DNAH8: variants seen among roughly 807,000 people sequenced by gnomAD.
DNAH8 encodes the protein dynein axonemal heavy chain 8.
Under a neutral mutation model 562.1 loss-of-function variants are expected in DNAH8, and 382 were observed. The observed-to-expected ratio is 0.68, with a 90% CI of 0.63 to 0.74. DNAH8 has a LOEUF of 0.74. Among genes scored for constraint, DNAH8 ranks in the 30% least tolerant of loss-of-function variants. DNAH8 has a pLI of 0.00. For synonymous variants in DNAH8, 1,881 were observed against 1,919.4 expected (o/e 0.98, Z 0.52); for missense variants, 5,203 against 5,620.4 (o/e 0.93, Z 2.37).
intron 8 of DNAH8, among the ~76,000 whole-genome samples, chr6:38,744,556 A>C (rs1324817834): frequency 2.0e-5 from 3 of 152,078 alleles, no homozygotes; most frequent in African/African-American, 7.2e-5. Flanking sequence ...TATTTAGAAA[A>C]ATTCAGACAT....
At chr6:38,976,918 GT>G (rs1763714741) in intron 85 of DNAH8, among the ~76,000 whole-genome samples, 1 of 152,202 alleles carries the variant, frequency 6.6e-6, no homozygotes, top group South Asian at 2.1e-4. Context: ...TCATGCTGGA[GT>G]TCATCCCACA....
In DNAH8 at chr6:38,737,908, G is replaced by A; in HGVS notation, c.1052G>A (p.Ser351Asn). The change falls in exon 7 of 93, where the codon AGC (serine) becomes AAC (asparagine). Residue 351 changes from serine (S) to asparagine (N), a missense_variant. This residue lies in a region of DNAH8 where 556 missense variants were observed against 496.9 expected (regional missense o/e 1.12). Transcript: ENST00000327475. Reference protein sequence around the residue: ...HTFEEVTAAASNSETVHQLEE... With the variant: ...HTFEEVTAAANNSETVHQLEE... ...TTTGAAGAAGTAACTGCTGCAGCCA[G>A]CAACTCAGAAACTGTTCATCAGCTG... is the stretch of plus-strand genomic sequence containing the variant. The A allele has an allele frequency of 6.2e-7, 1 of 1,606,682 alleles. No homozygotes were observed. The highest frequency in any genetic ancestry group is 8.5e-7 in the Non-Finnish European group (1 of 1,177,202).
At chr6:38,955,570 G>A (rs954243751) in intron 82 of DNAH8, among the ~76,000 whole-genome samples, 4 of 152,130 alleles carry the variant, frequency 2.6e-5, no homozygotes, top group Admixed American at 1.3e-4. Context: ...GGTGGAGGTT[G>A]CAGTGAGCCG....
intron 7 of DNAH8, among the ~76,000 whole-genome samples, chr6:38,740,255 G>A (rs567343923): frequency 6.6e-6 from 1 of 152,076 alleles, no homozygotes; most frequent in Non-Finnish European, 1.5e-5. Flanking sequence ...TTGAGATTTT[G>A]ATTAGAATTT....
chr6:38,884,007 G>A lies in DNAH8; in HGVS notation c.8259+9G>A, dbSNP rs770323338. The A allele has an allele frequency of 2.0e-6, 3 of 1,522,906 alleles. No individual in the cohort carries two copies. In the South Asian group the frequency reaches 4.0e-5, roughly 20 times the overall value. The allele number at this position is 1,522,906 out of a possible 1,614,324, so 94.3% of individuals were successfully genotyped here. A position where few individuals can be genotyped will look rare whatever the true frequency, so the allele number is the denominator to read the frequency against. The stretch of plus-strand genomic sequence containing the variant: ...ATGAGTGGGGAGATCAGGTATGGCT[G>A]AAATATCTCATATAGATGATCCTGA... On this transcript the variant is annotated intron_variant, in intron 56 of 92. Coordinates refer to ENST00000327475, the MANE Select transcript of DNAH8 (RefSeq NM_001206927.2).
At chr6:38,802,725 G>A (rs1770893248) in intron 21 of DNAH8, among the ~76,000 whole-genome samples, 1 of 152,176 alleles carries the variant, frequency 6.6e-6, no homozygotes, top group Non-Finnish European at 1.5e-5. Flanking sequence ...AACTAAATGA[G>A]TTAATATGTG....
intron 1 of DNAH8, among the ~76,000 whole-genome samples, chr6:38,715,960 A>ATATATATATTTTTTT (rs1372342002): frequency 4.2e-5 from 1 of 23,626 alleles, no homozygotes; most frequent in Non-Finnish European, 6.2e-5. Flanking sequence ...ATATATATAT[A>ATATATATATTTTTTT]TTTTTTTTTT....
intron 11 of DNAH8, among the ~76,000 whole-genome samples, chr6:38,766,970 C>G (rs921144364): frequency 1.3e-5 from 2 of 152,068 alleles, no homozygotes; most frequent in African/African-American, 4.8e-5. Context: ...TCCTGCTTCT[C>G]TTTTTGTATA....
intron 82 of DNAH8, among the ~76,000 whole-genome samples, chr6:38,959,899 G>A (rs557742181): frequency 6.6e-6 from 1 of 152,088 alleles, no homozygotes; most frequent in East Asian, 1.9e-4. Flanking sequence ...AAACAGGATG[G>A]TAGTGGCATA....
At chr6:38,768,457 A>G (rs1249179234) in intron 11 of DNAH8, among the ~76,000 whole-genome samples, 1 of 151,768 alleles carries the variant, frequency 6.6e-6, no homozygotes, top group African/African-American at 2.4e-5. Flanking sequence ...TGTAGAGACA[A>G]GGTTTTGCTA....
At chr6:38,847,271 G>C (rs776313917) in intron 36 of DNAH8, among the ~76,000 whole-genome samples, 10 of 151,882 alleles carry the variant, frequency 6.6e-5, no homozygotes, top group Non-Finnish European at 1.3e-4. Context: ...TTTTATTTCA[G>C]ATCTCCCTTT....
intron 76 of DNAH8, chr6:38,932,850 T>C (rs1403828800): frequency 6.6e-6 from 1 of 152,046 alleles, no homozygotes; most frequent in Admixed American, 6.6e-5. Flanking sequence ...ACCAAAGAAG[T>C]AGACTCAGTG....
At chr6:39,002,336 A>G (rs1765544294) in intron 88 of DNAH8, among the ~76,000 whole-genome samples, 1 of 152,236 alleles carries the variant, frequency 6.6e-6, no homozygotes. Flanking sequence ...AATATGAATC[A>G]CATACAAATT....
chr6:38,855,311 G>A (rs1053162543), intron 41 of DNAH8, among the ~76,000 whole-genome samples: 23 of 152,044 alleles, frequency 1.5e-4, no homozygotes, highest in African/African-American at 5.3e-4. Context: ...AACCACCATG[G>A]CACACGTTTA....
chr6:38,923,565 AAACTT>A (rs1243829608), intron 72 of DNAH8: 1 of 171,828 alleles, frequency 5.8e-6, no homozygotes, highest in Non-Finnish European at 1.2e-5. Context: ...TGTCCTTAGA[AAACTT>A]AAAAGAGAGG....
Position 38,737,826 on chromosome 6 carries a change from G to C in DNAH8, c.970G>C (p.Glu324Gln), listed in dbSNP as rs763828744. 6.5e-7 allele frequency: 1 copy of C among 1,546,126 alleles called. No homozygotes were observed. Among genetic ancestry groups the C allele is most frequent in the Non-Finnish European group, 8.7e-7 (1 of 1,150,282 alleles). ...CTTTTTAGGTGCTAGAATAAGTATTGAGGGAACAGTGAAGTTAAAGACAAT... is the reference window on the plus strand; with the variant it reads ...CTTTTTAGGTGCTAGAATAAGTATTCAGGGAACAGTGAAGTTAAAGACAAT... ...SFLDGARISI[E>Q]GTVKLKTIDN... Residue 324 changes from glutamate to glutamine, a missense_variant, in exon 7 of 93, where the codon GAG (glutamate) becomes CAG (glutamine). Transcript: ENST00000327475.
chr6:38,843,139 C>G (rs1774966853), intron 35 of DNAH8, among the ~76,000 whole-genome samples: 1 of 151,708 alleles, frequency 6.6e-6, no homozygotes, highest in Non-Finnish European at 1.5e-5. Context: ...TGGAACCCTT[C>G]AATACATCTT....
At chr6:38,829,910 T>G (rs1359230323) in intron 30 of DNAH8, among the ~76,000 whole-genome samples, 1 of 152,222 alleles carries the variant, frequency 6.6e-6, no homozygotes, top group East Asian at 1.9e-4. Flanking sequence ...ACTCTCCATT[T>G]TCCCCTACCA....
intron 68 of DNAH8, among the ~76,000 whole-genome samples, chr6:38,916,848 C>T (rs533774501): frequency 6.6e-6 from 1 of 152,240 alleles, no homozygotes; most frequent in East Asian, 1.9e-4. Context: ...ACAGGGAAGC[C>T]CTCACAATGA....
Sources: allele counts gnomAD v4.1 joint callset (sites outside exome capture counted in the v4.1 genomes callset), GRCh38; gene constraint gnomAD v4.1.1; regional missense constraint gnomAD v4.1.1; transcripts MANE v1.5; gene names NCBI Gene and HGNC (gene_info 2026-07-23, HGNC 2026-07-21).